The following CASP9 variants were observed in gnomAD, a reference collection of about 807,000 sequenced individuals.
CASP9 encodes the protein caspase 9, also known as caspase-9.
Under a neutral mutation model 43.5 loss-of-function variants are expected in CASP9, and 29 were observed. That is an observed-to-expected ratio of 0.67 (90% CI 0.50 to 0.91). The LOEUF is 0.91. CASP9 is among the 40% of genes least tolerant of loss of function. The pLI is 0.00. For missense variants in CASP9, 575 were observed against 537.4 expected (o/e 1.07, Z -0.69); for synonymous variants, 206 against 211.9 (o/e 0.97, Z 0.24).
At chr1:15,511,315 A>C (rs1040236762) in intron 2 of CASP9, among the ~76,000 whole-genome samples, 3 of 151,986 alleles carry the variant, frequency 2.0e-5, no homozygotes, top group African/African-American at 7.3e-5. Flanking sequence ...GCAGTGGTAC[A>C]ATCTCAACTC....
chr1:15,493,749 G>A (rs759503487), intron 8 of CASP9, 143 bp downstream of exon 8: 46 of 1,520,728 alleles, frequency 3.0e-5, no homozygotes, highest in East Asian at 2.5e-5. Context: ...CAAAAGTGCC[G>A]ACTCCAAGGC....
upstream of CASP9, chr1:15,524,798 C>G (rs1277532798): frequency 6.1e-6 from 6 of 990,526 alleles, no homozygotes; most frequent in Middle Eastern, 5.1e-4. Context: ...TCTAGAAGGT[C>G]TCGCCCCGCC....
At chr1:15,493,364 CA>C in intron 8 of CASP9, 1 of 1,238,062 alleles carries the variant, frequency 8.1e-7, no homozygotes, top group South Asian at 2.5e-5. Flanking sequence ...CCAAGGCAGC[CA>C]CAAGGCCACA....
rs1557529967 is a variant in CASP9, at chr1:15,492,115, T to C, written c.*828A>G. The C allele has an allele frequency of 6.6e-6, 1 of 150,464 alleles. No individual in the cohort carries two copies. The allele number at this position is 150,464 out of a possible 1,614,324, so 9.3% of individuals were successfully genotyped here. A position where few individuals can be genotyped will look rare whatever the true frequency, so the allele number is the denominator to read the frequency against. On this transcript the variant is annotated 3_prime_UTR_variant, in exon 9 of 9. Coordinates refer to ENST00000333868, the MANE Select transcript of CASP9 (RefSeq NM_001229.5). ...GGTGCACGCCTGTAGTAAGAGCTAC[T>C]TGGGAGGGTCACTTGAGCCCAGGAG...
At chr1:15,494,081 T>C in intron 7 of CASP9, 80 bp from the exon 8 acceptor site, 1 of 1,523,414 alleles carries the variant, frequency 6.6e-7, no homozygotes, top group Non-Finnish European at 8.8e-7. Context: ...CCATGCACGC[T>C]GGCTCGGGCG....
At chr1:15,495,541 T>A (rs1038093013) in intron 6 of CASP9, 89 bp from the exon 7 acceptor site, 3 of 1,135,454 alleles carry the variant, frequency 2.6e-6, no homozygotes, top group Non-Finnish European at 3.6e-6. Flanking sequence ...ATATACTACA[T>A]TAACAGTGTG....
chr1:15,497,062 C>A (rs190462713), intron 6 of CASP9, among the ~76,000 whole-genome samples: 2 of 152,170 alleles, frequency 1.3e-5, no homozygotes, highest in Non-Finnish European at 2.9e-5. Context: ...GTAATCCCAG[C>A]ACTTTGGGAG....
intron 5 of CASP9, among the ~76,000 whole-genome samples, chr1:15,505,733 C>T (rs934499989): frequency 3.3e-5 from 5 of 152,206 alleles, no homozygotes; most frequent in Non-Finnish European, 1.5e-5. Context: ...GCAGGAGCTT[C>T]GTGAGCAGAC....
intron 6 of CASP9, among the ~76,000 whole-genome samples, chr1:15,501,032 T>A (rs1709310132): frequency 6.6e-6 from 1 of 152,212 alleles, no homozygotes; most frequent in Admixed American, 6.5e-5. Context: ...GCCTCGGTTC[T>A]TAGAGAGCCT....
chr1:15,498,228 G>A (rs1709187898), intron 6 of CASP9, among the ~76,000 whole-genome samples: 1 of 152,090 alleles, frequency 6.6e-6, no homozygotes, highest in Non-Finnish European at 1.5e-5. Flanking sequence ...GACTACAGGT[G>A]CCACCACACC....
At chr1:15,524,718 G>A (rs1283760064), upstream of CASP9, 5 of 1,027,074 alleles carry the variant, frequency 4.9e-6, no homozygotes, top group African/African-American at 1.0e-4. Flanking sequence ...CCTGTCCCCA[G>A]GGTCAATTCT....
intron 5 of CASP9, 30 bp from the exon 6 acceptor site, chr1:15,504,788 C>T (rs749015736): frequency 1.3e-6 from 2 of 1,596,342 alleles, no homozygotes; most frequent in Non-Finnish European, 1.7e-6. Context: ...GGTTACAAAA[C>T]CAAGAAGTTG....
intron 1 of CASP9, among the ~76,000 whole-genome samples, chr1:15,520,607 TCAAGCGGTAATGCCAGTG>T (rs1426272034): frequency 6.6e-6 from 1 of 152,182 alleles, no homozygotes; most frequent in African/African-American, 2.4e-5. Context: ...GGCTCCTTGG[TCAAGCGGTAATGCCAGTG>T]TCTGGGGAGA....
intron 2 of CASP9, among the ~76,000 whole-genome samples, chr1:15,513,360 C>A (rs1709837595): frequency 6.6e-6 from 1 of 152,114 alleles, no homozygotes; most frequent in Non-Finnish European, 1.5e-5. Flanking sequence ...CATGAGAACA[C>A]AGCCACCAAC....
chr1:15,523,668 T>TAA (rs138545940), intron 1 of CASP9, among the ~76,000 whole-genome samples: 24 of 149,746 alleles, frequency 1.6e-4, no homozygotes, highest in Admixed American at 4.7e-4. Flanking sequence ...TAACAGACCT[T>TAA]AAAAAAAAAA....
At chr1:15,519,936 G>A (rs1424137278) in intron 1 of CASP9, 1 of 152,344 alleles carries the variant, frequency 6.6e-6, no homozygotes, top group East Asian at 1.9e-4. Flanking sequence ...CTCGAGCCCA[G>A]GAGATAAGGC....
In CASP9 at chr1:15,491,672, C is replaced by A; in HGVS notation, c.*1271G>T. On this transcript the variant is annotated 3_prime_UTR_variant, in exon 9 of 9. Coordinates refer to ENST00000333868, the MANE Select transcript of CASP9 (RefSeq NM_001229.5). ...ACTCAGGTGGCTGAGGTGGAAGGAT[C>A]TCTTGAGCCCAGGAGGTCGAGACTG... 1 of 212,378 alleles carries A rather than the reference C, an allele frequency of 4.7e-6. No homozygotes were observed. The highest frequency in any genetic ancestry group is 9.6e-6 in the Non-Finnish European group (1 of 104,146). The allele number at this position is 212,378 out of a possible 1,614,324, so 13.2% of individuals were successfully genotyped here.
chr1:15,495,773 C>CT (rs757051769), intron 6 of CASP9, among the ~76,000 whole-genome samples: 5 of 152,178 alleles, frequency 3.3e-5, no homozygotes, highest in Non-Finnish European at 7.4e-5. Flanking sequence ...AAATGGATAG[C>CT]TTATCTTTAC....
At chr1:15,517,295 C>T (rs4646013) in intron 2 of CASP9, among the ~76,000 whole-genome samples, 1,606 of 152,092 alleles carry the variant, frequency 0.011, 19 homozygotes, top group Non-Finnish European at 0.013. Flanking sequence ...TTCAAAGATA[C>T]AATGATGAAT....
Sources: allele counts gnomAD v4.1 joint callset (sites outside exome capture counted in the v4.1 genomes callset), GRCh38; gene constraint gnomAD v4.1.1; transcripts MANE v1.5; gene names NCBI Gene and HGNC (gene_info 2026-07-23, HGNC 2026-07-21).